FAT1: variants seen among roughly 807,000 people sequenced by gnomAD.
FAT1 encodes protocadherin Fat 1.
A neutral mutation model predicts 329.8 loss-of-function variants in FAT1; 171 were observed. That is an observed-to-expected ratio of 0.52 (90% CI 0.46 to 0.59). The LOEUF (loss-of-function observed/expected upper bound fraction) is 0.59, where lower values mean the gene tolerates loss of function less well. FAT1 is among the 20% of genes least tolerant of loss of function. The probability of loss-of-function intolerance (pLI) is 0.00; values close to 1 mark genes in which losing one functional copy is unlikely to be tolerated. For synonymous variants in FAT1, 2,233 were observed against 2,228.6 expected (o/e 1.00, Z -0.06); for missense variants, 5,672 against 5,774.4 (o/e 0.98, Z 0.57).
rs932096981 is a variant in FAT1, at chr4:186,603,740, C to A, written c.10786G>T (p.Gly3596Trp). 1 of 1,613,964 alleles carries A rather than the reference C, an allele frequency of 6.2e-7. No homozygotes were observed. Among genetic ancestry groups the A allele is most frequent in the Non-Finnish European group, 8.5e-7 (1 of 1,179,894 alleles). ...TTTTTGTGTGCTATCAGCTTGCCCC[C>A]TGTGCTGGAAACAGAGAACAGGTTG... ...MDNLFSVSSTGGKLIAHKKLD... is the reference protein window; with the variant it reads ...MDNLFSVSSTWGKLIAHKKLD... The change falls in exon 19 of 27, where the codon GGG (glycine) becomes TGG (tryptophan). Residue 3596 changes from glycine (G) to tryptophan (W), a missense_variant. Gly to Trp is a radical substitution (Grantham distance 184). Transcript: ENST00000441802.
chr4:186,706,482 G>A (rs2126681394), intron 2 of FAT1, 81 bp downstream of exon 2: 1 of 1,432,428 alleles, frequency 7.0e-7, no homozygotes, highest in Admixed American at 2.3e-5. Context: ...GAATTTTGAA[G>A]AAGCTGCCAC....
In FAT1 at chr4:186,613,188, A is replaced by G. The variant is rs745738767; in HGVS notation, c.9384T>C (p.Asp3128=). 1.9e-5 allele frequency: 30 copies of G among 1,613,906 alleles called. No homozygotes were observed. In the South Asian group the frequency reaches 3.1e-4, roughly 17 times the overall value. The change falls in exon 13 of 27, where the codon GAT becomes GAC. Residue 3128 remains aspartate (D), a synonymous_variant. Coordinates refer to ENST00000441802, the MANE Select transcript of FAT1 (RefSeq NM_005245.4). ...VNDNAPEFSA[D]PYAITVFENT... ...TTTCAAACACGGTGATGGCATAAGG[A>G]TCGGCAGAGAATTCGGGGGCGTTAT...
At chr4:186,609,111 C>T (rs1739272539) in intron 16 of FAT1, 72 bp downstream of exon 16, 2 of 1,555,510 alleles carry the variant, frequency 1.3e-6, no homozygotes, top group Non-Finnish European at 1.7e-6. Flanking sequence ...GCCCAGCAGA[C>T]AAGAGCACAA....
intron 1 of FAT1, among the ~76,000 whole-genome samples, chr4:186,712,548 C>A (rs1049401163): frequency 1.3e-5 from 2 of 152,124 alleles, no homozygotes; most frequent in African/African-American, 4.8e-5. Flanking sequence ...CCTGGCCAGA[C>A]ACAGACAGAC....
chr4:186,694,587 C>T (rs1339870579), intron 2 of FAT1, among the ~76,000 whole-genome samples: 7 of 152,074 alleles, frequency 4.6e-5, no homozygotes, highest in East Asian at 3.9e-4. Flanking sequence ...TAAATTTCCC[C>T]CCATTATTCA....
intron 11 of FAT1, among the ~76,000 whole-genome samples, chr4:186,615,590 G>A (rs1409458424): frequency 2.6e-5 from 4 of 151,986 alleles, no homozygotes; most frequent in African/African-American, 4.8e-5. Flanking sequence ...TACCAAGACC[G>A]CCACCTACAC....
chr4:186,698,911 G>A (rs191455924), intron 2 of FAT1, among the ~76,000 whole-genome samples: 48 of 152,326 alleles, frequency 3.2e-4, no homozygotes, highest in Non-Finnish European at 6.5e-4. Flanking sequence ...ACTGGCACGC[G>A]CTACTTTCCT....
intron 3 of FAT1, among the ~76,000 whole-genome samples, chr4:186,649,208 A>C (rs1357465238): frequency 6.6e-6 from 1 of 152,188 alleles, no homozygotes. Flanking sequence ...AATCTTCCTG[A>C]CAAGTCTGCA....
intron 2 of FAT1, among the ~76,000 whole-genome samples, chr4:186,667,731 G>T (rs1242205581): frequency 6.6e-6 from 1 of 152,190 alleles, no homozygotes; most frequent in Non-Finnish European, 1.5e-5. Context: ...GAACATGGAA[G>T]TTGCATGATT....
intron 2 of FAT1, among the ~76,000 whole-genome samples, chr4:186,664,877 A>C (rs1742356866): frequency 6.6e-6 from 1 of 152,240 alleles, no homozygotes; most frequent in Non-Finnish European, 1.5e-5. Context: ...CTGTGAGAAA[A>C]ATAACCAATT....
At chr4:186,626,926 C>T (rs112368838) in intron 9 of FAT1, among the ~76,000 whole-genome samples, 1 of 49,572 alleles carries the variant, frequency 2.0e-5, no homozygotes, top group Admixed American at 2.0e-4. Context: ...GTGAGCTTCA[C>T]CAGCCCACAG....
intron 20 of FAT1, 29 bp from the exon 21 acceptor site, chr4:186,601,455 C>A (rs1451646482): frequency 6.3e-7 from 1 of 1,586,980 alleles, no homozygotes; most frequent in South Asian, 1.1e-5. Context: ...AAAAAATAAA[C>A]CAGAACCAAG....
At chr4:186,688,658 C>T in intron 2 of FAT1, among the ~76,000 whole-genome samples, 1 of 135,108 alleles carries the variant, frequency 7.4e-6, no homozygotes, top group East Asian at 2.5e-4. Flanking sequence ...CCCCCGCCCC[C>T]CCCCAAAAAA....
At chr4:186,621,843 A>G in intron 9 of FAT1, 68 bp from the exon 10 acceptor site, 1 of 954,414 alleles carries the variant, frequency 1.0e-6, no homozygotes, top group South Asian at 2.0e-5. Context: ...TAGTTAGAGA[A>G]ACAGAAACAA....
intron 2 of FAT1, among the ~76,000 whole-genome samples, chr4:186,667,564 C>A (rs905691195): frequency 3.3e-5 from 5 of 152,130 alleles, no homozygotes; most frequent in Non-Finnish European, 5.9e-5. Context: ...GATAAAAAAT[C>A]ACTGAATACA....
At chr4:186,725,544 T>C (rs374212269), upstream of FAT1, among the ~76,000 whole-genome samples, 18 of 151,828 alleles carry the variant, frequency 1.2e-4, no homozygotes, top group African/African-American at 4.1e-4. The surrounding 1 kb of genome is among the most constrained non-coding windows in gnomAD (Gnocchi z 5.4). Flanking sequence ...TCTATCTGCC[T>C]GGAAGAAGTT....
At chr4:186,724,559 A>AG (rs1283473936), upstream of FAT1, among the ~76,000 whole-genome samples, 1 of 152,094 alleles carries the variant, frequency 6.6e-6, no homozygotes, top group Non-Finnish European at 1.5e-5. This position sits in a 1 kb window ranked among gnomAD's most constrained non-coding sequence, Gnocchi z 5.3. Flanking sequence ...AGTCGGCCCC[A>AG]GGGGCCCCAA....
chr4:186,614,124 TA>T, intron 12 of FAT1, 66 bp downstream of exon 12: 1 of 1,377,848 alleles, frequency 7.3e-7, no homozygotes, highest in Non-Finnish European at 9.8e-7. Context: ...GTGTGTGATC[TA>T]AAATCACCCA....
chr4:186,682,306 C>T (rs1030158434), intron 2 of FAT1, among the ~76,000 whole-genome samples: 4 of 152,192 alleles, frequency 2.6e-5, no homozygotes, highest in South Asian at 2.1e-4. Context: ...GCGGGTGGAT[C>T]ACCTGAGGTC....
Sources: gnomAD v4.1 joint callset for allele counts (sites outside exome capture counted in the v4.1 genomes callset) on GRCh38, gnomAD v4.1.1 for gene constraint, Gnocchi (gnomAD v3.1) non-coding constraint, MANE v1.5 for transcripts, NCBI Gene and HGNC (gene_info 2026-07-23, HGNC 2026-07-21) for gene names.